The following ASIC2 variants were observed in gnomAD, a reference collection of about 807,000 sequenced individuals.
ASIC2 encodes acid-sensing ion channel 2.
ASIC2 carries 25 observed loss-of-function variants against 57.3 expected under a neutral mutation model. The ratio of observed to expected loss-of-function variants is 0.44; its 90% CI spans 0.32 to 0.61. The LOEUF (loss-of-function observed/expected upper bound fraction) is 0.61, where lower values mean the gene tolerates loss of function less well. Among genes scored for constraint, ASIC2 ranks in the 20% least tolerant of loss-of-function variants. The probability of loss-of-function intolerance (pLI) is 0.06; values close to 1 mark genes in which losing one functional copy is unlikely to be tolerated. For synonymous variants in ASIC2, 319 were observed against 307.5 expected, an observed-to-expected ratio of 1.04 and a Z score of -0.39; for missense variants, 641 against 738.1, an observed-to-expected ratio of 0.87 and a Z score of 1.52.
intron 1 of ASIC2, among the ~76,000 whole-genome samples, chr17:33,277,807 G>A (rs138302014): frequency 6.6e-6 from 1 of 152,296 alleles, no homozygotes; most frequent in East Asian, 1.9e-4. Flanking sequence ...TTGAAGGAAA[G>A]TTCGGCCTAA....
intron 1 of ASIC2, among the ~76,000 whole-genome samples, chr17:33,993,312 G>C (rs1222664630): frequency 6.6e-6 from 1 of 152,200 alleles, no homozygotes; most frequent in Non-Finnish European, 1.5e-5. Flanking sequence ...CCAGAATGAT[G>C]ATTTAGTTAG....
intron 1 of ASIC2, among the ~76,000 whole-genome samples, chr17:33,570,104 CT>C (rs1916383392): frequency 6.6e-6 from 1 of 152,210 alleles, no homozygotes; most frequent in African/African-American, 2.4e-5. Context: ...TGCTCTTGCA[CT>C]AGCTGTCTCC....
intron 1 of ASIC2, among the ~76,000 whole-genome samples, chr17:33,804,812 C>A (rs78982352): frequency 0.074 from 11,213 of 152,156 alleles, 460 homozygotes; most frequent in East Asian, 0.19. Context: ...TTAGACCTGA[C>A]AACAGATTAA....
At position 33,269,309 on chromosome 17, in the gene ASIC2, C is replaced by G. The variant is rs114865716; in HGVS notation, c.708+22099G>C. On this transcript the variant is annotated intron_variant, in intron 1 of 9. Transcript: ENST00000225823. ...GTCTCCCTGACCCCCCGACCTAGAA[C>G]CCCTGGGAGACACCTAGCTTCCTTG... Among the ~76,000 whole-genome samples, 977 of 152,316 alleles carry G rather than the reference C, an allele frequency of 6.4e-3. 19 individuals carry two copies. The highest frequency in any genetic ancestry group is 0.047 in the South Asian group (228 of 4,824).
At chr17:33,467,616 T>C (rs1912908603) in intron 1 of ASIC2, among the ~76,000 whole-genome samples, 1 of 152,244 alleles carries the variant, frequency 6.6e-6, no homozygotes, top group African/African-American at 2.4e-5. Flanking sequence ...GGGCTTCACC[T>C]GCATGATAAA....
chr17:33,819,703 T>G lies in ASIC2; in HGVS notation c.555+336275A>C, dbSNP rs529663534. On this transcript the variant is annotated intron_variant, in intron 1 of 9. Coordinates refer to the ASIC2 transcript ENST00000359872. The stretch of plus-strand genomic sequence containing the variant: ...AGTTGCAACAGTGCATCAGTGCTCG[T>G]GCCAAGCAAACTTGGCTTTGAATCT... Among the ~76,000 whole-genome samples, 221 of 152,360 alleles carry G rather than the reference T, an allele frequency of 1.5e-3. 1 individual carries two copies. Among genetic ancestry groups the G allele is most frequent in the African/African-American group, 5.0e-3 (207 of 41,588 alleles).
intron 1 of ASIC2, among the ~76,000 whole-genome samples, chr17:34,093,249 C>G (rs1224115520): frequency 6.6e-6 from 1 of 152,158 alleles, no homozygotes; most frequent in Non-Finnish European, 1.5e-5. Context: ...TAGCTCACAC[C>G]TTTCCCACAT....
intron 1 of ASIC2, among the ~76,000 whole-genome samples, chr17:33,164,794 T>A (rs1905261314): frequency 6.6e-6 from 1 of 152,200 alleles, no homozygotes; most frequent in East Asian, 1.9e-4. Context: ...GACTTCAGAA[T>A]GCCCCTTGCC....
At position 33,808,798 on chromosome 17, in the gene ASIC2, G is replaced by A. The variant is rs188114204; in HGVS notation, c.555+347180C>T. Among the ~76,000 whole-genome samples, 515 of 152,304 alleles carry A rather than the reference G, an allele frequency of 3.4e-3. 6 individuals are homozygous for A. Among genetic ancestry groups the A allele is most frequent in the African/African-American group, 0.011 (465 of 41,566 alleles). ...GACATACAGATGGAGGTTTACACAA[G>A]CTTGCTTGGTACATGACAAATAGTC... is the stretch of plus-strand genomic sequence containing the variant. On this transcript the variant is annotated intron_variant, in intron 1 of 9. Coordinates refer to the ASIC2 transcript ENST00000359872.
chr17:33,810,486 T>C (rs1363512633), intron 1 of ASIC2, among the ~76,000 whole-genome samples: 1 of 152,202 alleles, frequency 6.6e-6, no homozygotes, highest in Non-Finnish European at 1.5e-5. Flanking sequence ...CAGAGCCAAG[T>C]GCAGGAACAC....
chr17:33,565,532 C>T (rs1916206603), intron 1 of ASIC2, among the ~76,000 whole-genome samples: 1 of 152,192 alleles, frequency 6.6e-6, no homozygotes. Flanking sequence ...GACACTTCAT[C>T]TGCCTTACCA....
intron 1 of ASIC2, chr17:34,038,944 C>A: frequency 6.2e-7 from 1 of 1,612,976 alleles, no homozygotes; most frequent in Non-Finnish European, 8.5e-7. Flanking sequence ...CTGTCCACTG[C>A]TCAGTAAATT....
chr17:33,894,338 CGTGCGTGCGTGCGTGTGTGTGTGTGTGT>C (rs1316601284), intron 1 of ASIC2, among the ~76,000 whole-genome samples: 3 of 93,906 alleles, frequency 3.2e-5, no homozygotes, highest in African/African-American at 1.4e-4. Flanking sequence ...TGCGTGCGTG[CGTGCGTGCGTGCGTGTGTGTGTGTGTGT>C]GTGTGTGTGT....
At chr17:34,060,279 T>C (rs996616116) in intron 1 of ASIC2, among the ~76,000 whole-genome samples, 2 of 152,096 alleles carry the variant, frequency 1.3e-5, no homozygotes, top group African/African-American at 4.8e-5. Flanking sequence ...GGAAGCCACA[T>C]CCATAGGAAA....
chr17:33,364,076 G>A (rs2047967184), intron 1 of ASIC2, among the ~76,000 whole-genome samples: 1 of 152,160 alleles, frequency 6.6e-6, no homozygotes, highest in African/African-American at 2.4e-5. Flanking sequence ...GCTCAGGGAG[G>A]TACAGTGACG....
At position 33,326,257 on chromosome 17, in the gene ASIC2, G is replaced by T. The variant is rs558751763; in HGVS notation, c.556-214190C>A. Among the ~76,000 whole-genome samples the T allele has an allele frequency of 8.5e-5, 13 of 152,230 alleles. No individual in the cohort carries two copies. In the South Asian group the frequency reaches 2.5e-3, roughly 29 times the overall value. ...GTAATCACCATTATACCCATTTTAT[G>T]AGCAAGGAAATCGAGGTCATTAACT... is the stretch of plus-strand genomic sequence containing the variant. On this transcript the variant is annotated intron_variant, in intron 1 of 9. Coordinates refer to the ASIC2 transcript ENST00000359872.
intron 1 of ASIC2, among the ~76,000 whole-genome samples, chr17:34,034,503 T>C (rs1448381185): frequency 2.6e-5 from 4 of 152,186 alleles, no homozygotes; most frequent in African/African-American, 9.7e-5. Flanking sequence ...TCTTGGAAAT[T>C]CTGGCCAGGG....
intron 1 of ASIC2, among the ~76,000 whole-genome samples, chr17:33,650,115 T>C (rs1347685814): frequency 6.6e-6 from 1 of 152,130 alleles, no homozygotes; most frequent in Non-Finnish European, 1.5e-5. Flanking sequence ...ATTTGGAATA[T>C]ATAAAGAACT....
intron 1 of ASIC2, among the ~76,000 whole-genome samples, chr17:34,085,249 G>C (rs1417730687): frequency 6.6e-6 from 1 of 152,000 alleles, no homozygotes; most frequent in African/African-American, 2.4e-5. Context: ...TTAGCATGAA[G>C]GTTGTTGAAT....
Sources: allele counts gnomAD v4.1 joint callset (sites outside exome capture counted in the v4.1 genomes callset), GRCh38; gene constraint gnomAD v4.1.1; transcripts MANE v1.5; gene names NCBI Gene and HGNC (gene_info 2026-07-23, HGNC 2026-07-21).